Variants in FTCDNL1 observed in about 807,000 individuals in gnomAD.
FTCDNL1 encodes the protein formiminotransferase cyclodeaminase N-terminal like.
Under a neutral mutation model 5.9 loss-of-function variants are expected in FTCDNL1, and 11 were observed. The observed-to-expected ratio is 1.87, with a 90% confidence interval of 1.18 to 3.10. The LOEUF (loss-of-function observed/expected upper bound fraction) is 3.10, where lower values mean the gene tolerates loss of function less well. FTCDNL1 is among the 30% of genes most tolerant of loss of function. FTCDNL1 has a pLI of 0.00. For synonymous variants in FTCDNL1, 58 were observed against 24.8 expected (o/e 2.34, Z -3.99); for missense variants, 115 against 65.5 (o/e 1.76, Z -2.61).
the FTCDNL1 span, among the ~76,000 whole-genome samples, chr2:199,688,246 T>A: frequency 2.0e-4 from 20 of 100,066 alleles, no homozygotes; most frequent in East Asian, 2.9e-4. Flanking sequence ...AAAAAAAAAA[T>A]TAGAATTAGA....
chr2:199,697,501 C>T, the FTCDNL1 span, among the ~76,000 whole-genome samples: 1 of 152,042 alleles, frequency 6.6e-6, no homozygotes, highest in Non-Finnish European at 1.5e-5. Context: ...AAAGAAATTC[C>T]AGCCAAGAAT....
intron 3 of FTCDNL1, among the ~76,000 whole-genome samples, chr2:199,772,558 C>T (rs933298845): frequency 2.0e-5 from 3 of 152,166 alleles, no homozygotes; most frequent in African/African-American, 4.8e-5. Context: ...TGACCCCACA[C>T]TCTGAATCAT....
At chr2:199,694,698 G>A in the FTCDNL1 span, among the ~76,000 whole-genome samples, 1 of 152,110 alleles carries the variant, frequency 6.6e-6, no homozygotes, top group Non-Finnish European at 1.5e-5. Context: ...GCTGGGCATT[G>A]TGGCATGTGC....
At chr2:199,808,052 G>A (rs1480241622), downstream of FTCDNL1, among the ~76,000 whole-genome samples, 2 of 152,040 alleles carry the variant, frequency 1.3e-5, no homozygotes, top group African/African-American at 4.8e-5. Context: ...TGGTCATTTA[G>A]AAGTAGGTAG....
At chr2:199,806,293 G>A (rs1454827461), downstream of FTCDNL1, among the ~76,000 whole-genome samples, 1 of 152,180 alleles carries the variant, frequency 6.6e-6, no homozygotes, top group Non-Finnish European at 1.5e-5. Context: ...CATACTTCGG[G>A]AGCACGGTCT....
At chr2:199,813,699 T>A (rs1398150540) in intron 4 of FTCDNL1, among the ~76,000 whole-genome samples, 1 of 151,884 alleles carries the variant, frequency 6.6e-6, no homozygotes, top group Non-Finnish European at 1.5e-5. Context: ...GATCACAAGG[T>A]AAGGAGTTCG....
rs933180422 is a variant in FTCDNL1 at position 199,810,133 on chromosome 2, T to C, written c.*2572A>G. On this transcript the variant is annotated 3_prime_UTR_variant, in exon 5 of 5. Coordinates refer to ENST00000420128, the MANE Select transcript of FTCDNL1 (RefSeq NM_001363886.2). ...AAGCGTCATCAGCAGCAACAGGCCTTAGACCTTCATTCATTTCCAAGGCCA... is the reference window on the plus strand; with the variant it reads ...AAGCGTCATCAGCAGCAACAGGCCTCAGACCTTCATTCATTTCCAAGGCCA... Among the ~76,000 whole-genome samples the C allele has an allele frequency of 1.3e-5, 2 of 152,064 alleles. No individual in the cohort carries two copies. Among genetic ancestry groups the C allele is most frequent in the African/African-American group, 4.8e-5 (2 of 41,408 alleles).
the FTCDNL1 span, among the ~76,000 whole-genome samples, chr2:199,719,696 A>G: frequency 1.3e-5 from 2 of 151,778 alleles, no homozygotes; most frequent in African/African-American, 4.8e-5. Flanking sequence ...GTGCTGTGGC[A>G]CGATCTCAGC....
At chr2:199,699,851 G>A in the FTCDNL1 span, among the ~76,000 whole-genome samples, 4 of 152,026 alleles carry the variant, frequency 2.6e-5, no homozygotes, top group African/African-American at 4.8e-5. Context: ...ATTCCATATC[G>A]CTTCATGTTA....
At chr2:199,842,938 C>T (rs79115092) in intron 3 of FTCDNL1, among the ~76,000 whole-genome samples, 1 of 104,494 alleles carries the variant, frequency 9.6e-6, no homozygotes, top group Non-Finnish European at 1.9e-5. Flanking sequence ...CATGCTGTTA[C>T]AAAAAAAAAA....
intron 3 of FTCDNL1, among the ~76,000 whole-genome samples, chr2:199,839,773 A>G (rs1360578276): frequency 6.6e-6 from 1 of 152,254 alleles, no homozygotes; most frequent in Non-Finnish European, 1.5e-5. Flanking sequence ...ACAAGAACTC[A>G]GTGACACAAC....
At chr2:199,763,566 G>A (rs965737718) in intron 3 of FTCDNL1, among the ~76,000 whole-genome samples, 2 of 152,064 alleles carry the variant, frequency 1.3e-5, no homozygotes, top group Non-Finnish European at 2.9e-5. Flanking sequence ...TGTGTTTCCT[G>A]CCTGGATCTG....
intron 3 of FTCDNL1, among the ~76,000 whole-genome samples, chr2:199,800,436 A>G (rs1332713356): frequency 6.6e-6 from 1 of 152,216 alleles, no homozygotes; most frequent in Non-Finnish European, 1.5e-5. Context: ...TGAAGCTGGA[A>G]GCTTACACCA....
chr2:199,832,350 G>C (rs1219329574), intron 3 of FTCDNL1, among the ~76,000 whole-genome samples: 1 of 152,026 alleles, frequency 6.6e-6, no homozygotes, highest in East Asian at 1.9e-4. Context: ...GTTTTGTTGG[G>C]GGAAGGTACT....
intron 3 of FTCDNL1, among the ~76,000 whole-genome samples, chr2:199,794,723 C>T (rs1398013854): frequency 6.6e-6 from 1 of 151,956 alleles, no homozygotes; most frequent in African/African-American, 2.4e-5. Flanking sequence ...ACAAAAAATA[C>T]AAAAAATTAG....
the FTCDNL1 span, among the ~76,000 whole-genome samples, chr2:199,666,312 T>C: frequency 5.3e-5 from 8 of 152,194 alleles, no homozygotes; most frequent in Non-Finnish European, 7.3e-5. Flanking sequence ...AATTTAGGAC[T>C]GATAAGGAAG....
the FTCDNL1 span, among the ~76,000 whole-genome samples, chr2:199,697,165 G>A: frequency 5.9e-5 from 9 of 152,044 alleles, no homozygotes; most frequent in South Asian, 2.1e-4. Context: ...CCAGCTACTC[G>A]GGAGGCTGAT....
At chr2:199,712,095 G>A in the FTCDNL1 span, among the ~76,000 whole-genome samples, 1 of 152,020 alleles carries the variant, frequency 6.6e-6, no homozygotes, top group East Asian at 1.9e-4. Context: ...CTGAATGCAC[G>A]TATTGGTCAA....
chr2:199,802,086 G>C (rs1457301649), intron 3 of FTCDNL1, among the ~76,000 whole-genome samples: 1 of 152,192 alleles, frequency 6.6e-6, no homozygotes, highest in East Asian at 1.9e-4. Flanking sequence ...CACTCATCAT[G>C]AAAGGACATA....
Sources: allele counts gnomAD v4.1 joint callset (sites outside exome capture counted in the v4.1 genomes callset), GRCh38; gene constraint gnomAD v4.1.1; transcripts MANE v1.5; gene names NCBI Gene and HGNC (gene_info 2026-07-23, HGNC 2026-07-21).